ZFAND3: variants seen among roughly 807,000 people sequenced by gnomAD.
ZFAND3 encodes the protein AN1-type zinc finger protein 3.
Under a neutral mutation model 29.6 loss-of-function variants are expected in ZFAND3, and 10 were observed. The observed-to-expected ratio is 0.34, with a 90% CI of 0.21 to 0.57. The LOEUF is 0.57. ZFAND3 is among the 20% of genes least tolerant of loss of function. The probability of loss-of-function intolerance (pLI) is 0.86; values close to 1 mark genes in which losing one functional copy is unlikely to be tolerated. For synonymous variants in ZFAND3, 128 were observed against 112.6 expected (o/e 1.14, Z -0.87); for missense variants, 230 against 304.5 (o/e 0.76, Z 1.82).
chr6:37,962,337 C>T (rs1272968302), intron 2 of ZFAND3, among the ~76,000 whole-genome samples: 1 of 152,062 alleles, frequency 6.6e-6, no homozygotes, highest in Non-Finnish European at 1.5e-5. Flanking sequence ...TGAAGCATGC[C>T]TACAGGATCT....
intron 1 of ZFAND3, among the ~76,000 whole-genome samples, chr6:37,861,441 G>T (rs1358392638): frequency 6.6e-6 from 1 of 152,014 alleles, no homozygotes; most frequent in Non-Finnish European, 1.5e-5. Context: ...AGGCTGAGGG[G>T]ACAACATGAT....
chr6:38,129,594 TTA>T (rs1417231822), intron 5 of ZFAND3, among the ~76,000 whole-genome samples: 4 of 152,092 alleles, frequency 2.6e-5, no homozygotes, highest in Admixed American at 6.6e-5. Flanking sequence ...TTTCACCACT[TTA>T]TGTTTTTGTT....
chr6:37,976,058 A>G (rs1252038108), intron 2 of ZFAND3, among the ~76,000 whole-genome samples: 6 of 152,200 alleles, frequency 3.9e-5, no homozygotes, highest in African/African-American at 1.4e-4. Context: ...GCAAAATTTC[A>G]TATTTTTTGT....
intron 1 of ZFAND3, among the ~76,000 whole-genome samples, chr6:37,894,107 T>A (rs996451211): frequency 3.3e-5 from 5 of 151,718 alleles, no homozygotes; most frequent in African/African-American, 9.7e-5. Flanking sequence ...TACAGAAAAT[T>A]AGCTGGGCGT....
intron 4 of ZFAND3, among the ~76,000 whole-genome samples, chr6:38,095,382 A>T (rs1016792324): frequency 6.6e-6 from 1 of 152,208 alleles, no homozygotes. Context: ...TATTTGCATT[A>T]TAGCTTTTTA....
At chr6:37,892,091 A>G (rs1157187311) in intron 1 of ZFAND3, among the ~76,000 whole-genome samples, 1 of 152,240 alleles carries the variant, frequency 6.6e-6, no homozygotes, top group African/African-American at 2.4e-5. Flanking sequence ...GTAGTAGGCC[A>G]TAACATAAAC....
chr6:38,009,662 C>T (rs1413638794), intron 2 of ZFAND3, among the ~76,000 whole-genome samples: 1 of 152,074 alleles, frequency 6.6e-6, no homozygotes, highest in Non-Finnish European at 1.5e-5. Flanking sequence ...GGAGGTTTCC[C>T]AGGAAGTTCC....
At chr6:37,979,722 T>G (rs1295753431) in intron 2 of ZFAND3, among the ~76,000 whole-genome samples, 2 of 152,208 alleles carry the variant, frequency 1.3e-5, no homozygotes, top group Non-Finnish European at 2.9e-5. Context: ...TTTTTTCGTA[T>G]GCATGTGCTG....
chr6:37,988,118 T>C (rs1392920478), intron 2 of ZFAND3, among the ~76,000 whole-genome samples: 2 of 152,194 alleles, frequency 1.3e-5, no homozygotes, highest in Non-Finnish European at 2.9e-5. Context: ...GAAGAAAATA[T>C]TAATTTTGCC....
At chr6:38,080,854 A>G (rs1764647813) in intron 3 of ZFAND3, among the ~76,000 whole-genome samples, 1 of 152,120 alleles carries the variant, frequency 6.6e-6, no homozygotes, top group Non-Finnish European at 1.5e-5. Flanking sequence ...TTCATGTCGC[A>G]GTTTACCATT....
chr6:38,010,931 A>G lies in ZFAND3; in HGVS notation c.113-50662A>G, dbSNP rs1233438280. 2.8e-5 allele frequency among the ~76,000 whole-genome samples: 4 copies of G among 143,170 alleles called. No individual in the cohort carries two copies. In the South Asian group the frequency reaches 9.0e-4, roughly 32 times the overall value. 93.9% of individuals were successfully genotyped at this position (143,170 alleles called of 152,430 possible). A position where few individuals can be genotyped will look rare whatever the true frequency, so the allele number is the denominator to read the frequency against. ...TTTTTTTTTTTTTTTTTTTAAAGAG[A>G]TGAGGACTCACTGTGTTGCACAGCC... On this transcript the variant is annotated intron_variant, in intron 2 of 5. Transcript: ENST00000287218.
intron 2 of ZFAND3, among the ~76,000 whole-genome samples, chr6:38,048,282 C>T (rs568642733): frequency 6.6e-6 from 1 of 152,108 alleles, no homozygotes; most frequent in East Asian, 2.0e-4. Context: ...GGATTACAGG[C>T]ATGAGCCACC....
intron 2 of ZFAND3, among the ~76,000 whole-genome samples, chr6:37,972,676 G>A (rs1417777179): frequency 6.6e-6 from 1 of 151,162 alleles, no homozygotes; most frequent in Admixed American, 6.6e-5. Flanking sequence ...TCTTCCCTTT[G>A]TAAGGTTTTC....
chr6:38,045,085 T>TTG (rs1258066301), intron 2 of ZFAND3, among the ~76,000 whole-genome samples: 6 of 146,604 alleles, frequency 4.1e-5, no homozygotes, highest in African/African-American at 1.5e-4. Flanking sequence ...TTTATTTATT[T>TTG]ATTTATTTAT....
chr6:37,968,557 C>T (rs140546966), intron 2 of ZFAND3, among the ~76,000 whole-genome samples: 9 of 152,142 alleles, frequency 5.9e-5, no homozygotes, highest in East Asian at 1.9e-4. Context: ...GCAGTTACTA[C>T]GAGAGAGGCT....
chr6:38,147,153 C>T (rs996534414), intron 5 of ZFAND3, among the ~76,000 whole-genome samples: 2 of 152,178 alleles, frequency 1.3e-5, no homozygotes, highest in African/African-American at 2.4e-5. Context: ...CCTCCCTCTC[C>T]ACATTCACCC....
At chr6:37,971,722 C>T (rs1035330420) in intron 2 of ZFAND3, among the ~76,000 whole-genome samples, 1 of 151,320 alleles carries the variant, frequency 6.6e-6, no homozygotes, top group Non-Finnish European at 1.5e-5. Flanking sequence ...GGTGCAGTGG[C>T]TTATGCCTGT....
intron 1 of ZFAND3, among the ~76,000 whole-genome samples, chr6:37,848,435 T>C (rs1764221330): frequency 6.6e-6 from 1 of 152,236 alleles, no homozygotes; most frequent in Non-Finnish European, 1.5e-5. Flanking sequence ...TGTAATCATT[T>C]TCATTTTTGA....
chr6:38,028,462 T>C (rs1489652388), intron 2 of ZFAND3, among the ~76,000 whole-genome samples: 2 of 152,134 alleles, frequency 1.3e-5, no homozygotes, highest in Non-Finnish European at 2.9e-5. Flanking sequence ...ATCACAACCT[T>C]GGTAAATTAC....
Sources: gnomAD v4.1 joint callset for allele counts (sites outside exome capture counted in the v4.1 genomes callset) on GRCh38, gnomAD v4.1.1 for gene constraint, MANE v1.5 for transcripts, NCBI Gene and HGNC (gene_info 2026-07-23, HGNC 2026-07-21) for gene names.